The following ARHGAP21 variants were observed in gnomAD, a reference collection of about 807,000 sequenced individuals.
ARHGAP21 encodes Rho GTPase activating protein 21, also known as rho GTPase-activating protein 21.
A neutral mutation model predicts 164.6 loss-of-function variants in ARHGAP21; 38 were observed. The ratio of observed to expected loss-of-function variants is 0.23; its 90% CI spans 0.18 to 0.30. The LOEUF is 0.30. ARHGAP21 is among the 10% of genes least tolerant of loss of function. The pLI is 1.00. For missense variants in ARHGAP21, 1,822 were observed against 2,370.7 expected, an observed-to-expected ratio of 0.77 and a Z score of 4.81; for synonymous variants, 766 against 857.9, an observed-to-expected ratio of 0.89 and a Z score of 1.87.
chr10:24,711,474 A>C (rs1172181958), intron 2 of ARHGAP21, among the ~76,000 whole-genome samples: 1 of 152,192 alleles, frequency 6.6e-6, no homozygotes, highest in Non-Finnish European at 1.5e-5. Flanking sequence ...GAACATCTTC[A>C]TCTGTAAAAT....
intron 9 of ARHGAP21, among the ~76,000 whole-genome samples, chr10:24,608,485 A>G (rs529936731): frequency 6.6e-6 from 1 of 152,338 alleles, no homozygotes; most frequent in African/African-American, 2.4e-5. Context: ...CTAATACTTG[A>G]GGCCAAGAAA....
At position 24,585,639 on chromosome 10, in the gene ARHGAP21, G is replaced by C. The variant is rs1196830377; in HGVS notation, c.4650C>G (p.Leu1550=). 3.1e-6 allele frequency: 5 copies of C among 1,614,172 alleles called. No homozygotes were observed. The change falls in exon 26 of 26, where the codon CTC becomes CTG. Residue 1550 remains leucine, a synonymous_variant. Coordinates refer to ENST00000396432, the MANE Select transcript of ARHGAP21 (RefSeq NM_020824.4). ...EETGSDSGTL[L]STSSQASLAR... ...CCAGGGAGGCCTGGGAAGACGTGCT[G>C]AGCAAAGTGCCAGAGTCAGAGCCTG...
rs1277452709 is a variant in ARHGAP21 at position 24,620,079 on chromosome 10, A to G, written c.1816T>C (p.Ser606Pro). ...TCTTGTGAAATACCCCGAGGCAGTGACATTCCACAAGTAGTCTGAAAATTT... is the reference window on the plus strand; with the variant it reads ...TCTTGTGAAATACCCCGAGGCAGTGGCATTCCACAAGTAGTCTGAAAATTT... ...NRNFQTTCGM[S>P]LPRGISQDRS... is the part of the protein sequence containing the mutation. The change falls in exon 9 of 26, where the codon TCA becomes CCA. Residue 606 changes from serine to proline, a missense_variant. By Grantham distance (74) the Ser-to-Pro change is moderately conservative. Transcript: ENST00000396432. 1 of 1,613,862 alleles carries G rather than the reference A, an allele frequency of 6.2e-7. No homozygotes were observed. Among genetic ancestry groups the G allele is most frequent in the Non-Finnish European group, 8.5e-7 (1 of 1,179,878 alleles).
chr10:24,692,064 G>C (rs1412018212), intron 2 of ARHGAP21, among the ~76,000 whole-genome samples: 2 of 152,226 alleles, frequency 1.3e-5, no homozygotes, highest in Admixed American at 6.5e-5. Context: ...AAGAAGGGCA[G>C]TAACACTGCT....
intron 19 of ARHGAP21, 144 bp downstream of exon 19, chr10:24,595,573 T>C: frequency 1.3e-6 from 1 of 766,306 alleles, no homozygotes; most frequent in South Asian, 2.0e-5. Flanking sequence ...AACTTTTATG[T>C]TTTTAATATA....
chr10:24,718,055 A>G (rs1201126476), intron 2 of ARHGAP21, among the ~76,000 whole-genome samples: 2 of 152,128 alleles, frequency 1.3e-5, no homozygotes, highest in Admixed American at 1.3e-4. Flanking sequence ...CTCCGTAGGG[A>G]ATCTGTTTCT....
At chr10:24,672,222 A>T (rs1367045801) in intron 2 of ARHGAP21, among the ~76,000 whole-genome samples, 1 of 152,118 alleles carries the variant, frequency 6.6e-6, no homozygotes, top group Non-Finnish European at 1.5e-5. Context: ...AGGGTCCCCC[A>T]TGACTTCCAC....
At chr10:24,652,750 A>T (rs1430741485) in intron 4 of ARHGAP21, among the ~76,000 whole-genome samples, 2 of 152,220 alleles carry the variant, frequency 1.3e-5, no homozygotes, top group Non-Finnish European at 2.9e-5. Context: ...TTAAAATTAC[A>T]AAGACTGACA....
intron 2 of ARHGAP21, among the ~76,000 whole-genome samples, chr10:24,695,126 A>C: frequency 6.7e-6 from 1 of 149,328 alleles, no homozygotes; most frequent in Admixed American, 6.8e-5. Context: ...CTCCCTGAAC[A>C]TTATCTCCCA....
At chr10:24,623,177 A>G (rs1292591637) in intron 7 of ARHGAP21, among the ~76,000 whole-genome samples, 2 of 152,180 alleles carry the variant, frequency 1.3e-5, no homozygotes, top group African/African-American at 4.8e-5. Flanking sequence ...TGCATTTAAA[A>G]TAGTACAACC....
intron 9 of ARHGAP21, among the ~76,000 whole-genome samples, chr10:24,609,147 TG>T (rs753074076): frequency 2.0e-5 from 3 of 152,220 alleles, no homozygotes; most frequent in Non-Finnish European, 2.9e-5. Context: ...ATCTGACTCA[TG>T]CAGTATGAAT....
intron 9 of ARHGAP21, among the ~76,000 whole-genome samples, chr10:24,611,768 T>C (rs1186621338): frequency 6.6e-6 from 1 of 152,078 alleles, no homozygotes; most frequent in Non-Finnish European, 1.5e-5. Flanking sequence ...ATGTCATTAC[T>C]TGGGTATCTG....
At chr10:24,660,978 G>C (rs1029349872) in intron 4 of ARHGAP21, among the ~76,000 whole-genome samples, 1 of 151,928 alleles carries the variant, frequency 6.6e-6, no homozygotes, top group Non-Finnish European at 1.5e-5. Flanking sequence ...ATGGCATCCC[G>C]AGACCACCCT....
chr10:24,634,971 AAG>A (rs1351644914), intron 5 of ARHGAP21, 38 bp downstream of exon 5: 11 of 1,377,466 alleles, frequency 8.0e-6, no homozygotes, highest in Admixed American at 5.0e-5. Context: ...TAAAGTGAAA[AAG>A]AAATTAAAAC....
chr10:24,668,012 T>G (rs1008988480), intron 3 of ARHGAP21, among the ~76,000 whole-genome samples: 3 of 152,206 alleles, frequency 2.0e-5, no homozygotes, highest in African/African-American at 7.2e-5. Flanking sequence ...ATAGCATTAA[T>G]AGCTAAAATT....
At chr10:24,710,881 G>T (rs1271982093) in intron 2 of ARHGAP21, among the ~76,000 whole-genome samples, 2 of 152,066 alleles carry the variant, frequency 1.3e-5, no homozygotes, top group Non-Finnish European at 2.9e-5. Flanking sequence ...GGATCCCAAG[G>T]TCAGGAGTTC....
chr10:24,653,587 T>A (rs1565102253), intron 4 of ARHGAP21, among the ~76,000 whole-genome samples: 1 of 149,888 alleles, frequency 6.7e-6, no homozygotes, highest in East Asian at 2.0e-4. Context: ...AAAAAAAAAT[T>A]AAAAAAAAAG....
chr10:24,723,261 G>C (rs1347888568), intron 1 of ARHGAP21: 1 of 151,112 alleles, frequency 6.6e-6, no homozygotes, highest in African/African-American at 2.4e-5. Flanking sequence ...CCGCAGGCTC[G>C]GTTAATATTC....
intron 4 of ARHGAP21, among the ~76,000 whole-genome samples, chr10:24,639,355 G>A (rs1216700829): frequency 6.6e-6 from 1 of 152,068 alleles, no homozygotes; most frequent in Non-Finnish European, 1.5e-5. Context: ...GAAAAATGGG[G>A]ATGATAATAA....
Sources: gnomAD v4.1 joint callset for allele counts (sites outside exome capture counted in the v4.1 genomes callset) on GRCh38, gnomAD v4.1.1 for gene constraint, MANE v1.5 for transcripts, NCBI Gene and HGNC (gene_info 2026-07-23, HGNC 2026-07-21) for gene names.